The following MTX1 variants were observed in gnomAD, a reference collection of about 807,000 sequenced individuals.
MTX1 encodes metaxin-1.
In MTX1, 20 loss-of-function variants were observed where a neutral mutation model predicts 39.4. That is an observed-to-expected ratio of 0.51 (90% confidence interval 0.36 to 0.74). MTX1 has a LOEUF of 0.74. Ranked by LOEUF, MTX1 falls within the 30% of genes least tolerant of loss-of-function variation. MTX1 has a pLI of 0.00. For synonymous variants in MTX1, 209 were observed against 198.6 expected (o/e 1.05, Z -0.44); for missense variants, 481 against 485.9 (o/e 0.99, Z 0.10).
At chr1:155,211,700 T>G (rs1671136769) in intron 3 of MTX1, 1 of 155,714 alleles carries the variant, frequency 6.4e-6, no homozygotes, top group Admixed American at 6.4e-5. Context: ...CCAGGGAGTG[T>G]GAGGATGGCT....
chr1:155,212,817 A>G, intron 6 of MTX1, 47 bp downstream of exon 6: 2 of 1,501,240 alleles, frequency 1.3e-6, no homozygotes, highest in East Asian at 2.4e-5. Context: ...AAGAAGATAC[A>G]GGTTCAGATG....
chr1:155,208,957 G>A lies in MTX1; in HGVS notation c.153G>A (p.Gly51=). 6.2e-7 allele frequency: 1 copy of A among 1,609,060 alleles called. No homozygotes were observed. Among genetic ancestry groups the A allele is most frequent in the Non-Finnish European group, 8.5e-7 (1 of 1,178,848 alleles). The change falls in exon 1 of 8, where the codon GGG becomes GGA. Residue 51 remains glycine (G), a synonymous_variant. Transcript: ENST00000368376. ...CTCCAGAGCCTGCCGCGCCTTCAGGGGTTCGGGGCTCCACTTGGACGAGGC... is the reference window on the plus strand; with the variant it reads ...CTCCAGAGCCTGCCGCGCCTTCAGGAGTTCGGGGCTCCACTTGGACGAGGC... ...PRSPEPAAPS[G]VRGSTWTRRR... is the part of the protein sequence containing the mutation.
In MTX1 at chr1:155,209,078, G is replaced by A. The variant is rs1323287286; in HGVS notation, c.274G>A (p.Gly92Ser). Residue 92 changes from glycine (G) to serine (S), a missense_variant, in exon 1 of 8, where the codon GGC becomes AGC. By Grantham distance (56) the Gly-to-Ser change is moderately conservative. Coordinates refer to ENST00000368376, the MANE Select transcript of MTX1 (RefSeq NM_002455.5). ...GRRPPSPEAR[G>S]PVPRSSAASR... is the part of the protein sequence containing the mutation. ...GCGGCCGCCCTCCCCCGAGGCCCGC[G>A]GCCCAGTCCCCCGCAGTTCAGCTGC... 1 of 1,539,340 alleles carries A rather than the reference G, an allele frequency of 6.5e-7. No homozygotes were observed. The highest frequency in any genetic ancestry group is 8.8e-7 in the Non-Finnish European group (1 of 1,141,626).
Position 155,210,421 on chromosome 1 carries a change from C to T in MTX1, c.598+6C>T. 6.2e-7 allele frequency: 1 copy of T among 1,613,528 alleles called. No individual in the cohort carries two copies. The highest frequency in any genetic ancestry group is 1.3e-5 in the African/African-American group (1 of 75,036). ...CCCCTGGCAGAGCCCTTCAGGTACC[C>T]AGTATCCCTTGGGGGTAAGGAAGGG... On this transcript the variant is annotated splice_donor_region_variant and intron_variant, in intron 2 of 7. Coordinates refer to ENST00000368376, the MANE Select transcript of MTX1 (RefSeq NM_002455.5).
Position 155,209,154 on chromosome 1 carries a change from T to C in MTX1, c.350T>C (p.Leu117Pro), listed in dbSNP as rs527512238. The stretch of plus-strand genomic sequence containing the variant: ...TCCCCGGGGATCTCCCCAGGCCCCC[T>C]GACCGCAACGATCGGAGGGGCGGTG... ...LASPGISPGP[L>P]TATIGGAVAG... is the part of the protein sequence containing the mutation. Residue 117 changes from leucine (L) to proline (P), a missense_variant, in exon 1 of 8, where the codon CTG becomes CCG. Leu to Pro is a moderately conservative substitution (Grantham distance 98, BLOSUM62 -3). Around this residue, in one of 2 missense-constraint regions of MTX1, gnomAD observed 368 missense variants for 332.8 expected, o/e 1.11. Coordinates refer to ENST00000368376, the MANE Select transcript of MTX1 (RefSeq NM_002455.5). The C allele has an allele frequency of 1.8e-4, 273 of 1,515,770 alleles. 2 individuals carry two copies. Among genetic ancestry groups the C allele is most frequent in the Middle Eastern group, 1.6e-3 (8 of 4,984 alleles). The allele number at this position is 1,515,770 out of a possible 1,614,324, so 93.9% of individuals were successfully genotyped here.
At position 155,208,736 on chromosome 1, in the gene MTX1, GC is replaced by G; in HGVS notation, c.-65del. On this transcript the variant is annotated 5_prime_UTR_variant, in exon 1 of 8. Coordinates refer to ENST00000368376, the MANE Select transcript of MTX1 (RefSeq NM_002455.5). ...GGCCTCCGCTCCGGCCGCCGCCACC[GC>G]CCCTGTTTTGTTTCCATGGCGACAG... 1.9e-6 allele frequency: 1 copy of G among 532,266 alleles called. No individual in the cohort carries two copies. The allele number at this position is 532,266 out of a possible 1,614,324, so 33.0% of individuals were successfully genotyped here.
chr1:155,209,239 G>A lies in MTX1; in HGVS notation c.435G>A (p.Gln145=). 2 of 1,449,226 alleles carry A rather than the reference G, an allele frequency of 1.4e-6. No individual in the cohort carries two copies. The highest frequency in any genetic ancestry group is 2.9e-5 in the African/African-American group (2 of 69,066). 89.8% of individuals were successfully genotyped at this position (1,449,226 alleles called of 1,614,324 possible). Residue 145 remains glutamine (Q), a synonymous_variant, in exon 1 of 8, where the codon CAG becomes CAA. Coordinates refer to ENST00000368376, the MANE Select transcript of MTX1 (RefSeq NM_002455.5). ...CACACAAGGAAGTGTTTCCGGGACAGAGGGTGGGCAAGATGGCGGCGCCCA... is the reference window on the plus strand; with the variant it reads ...CACACAAGGAAGTGTTTCCGGGACAAAGGGTGGGCAAGATGGCGGCGCCCA... ...AEAHKEVFPG[Q]RVGKMAAPME...
Position 155,208,822 on chromosome 1 carries a change from C to T in MTX1, c.18C>T (p.Pro6=), listed in dbSNP as rs1218732355. 2 of 1,573,684 alleles carry T rather than the reference C, an allele frequency of 1.3e-6. No homozygotes were observed. Among genetic ancestry groups the T allele is most frequent in the Non-Finnish European group, 1.7e-6 (2 of 1,157,264 alleles). Residue 6 remains proline (P), a synonymous_variant, in exon 1 of 8, where the codon CCC becomes CCT. Transcript: ENST00000368376. ...TGGAAAACATGCTGCTCGGGGGACC[C>T]CCCCGCAGTCCCCGCTCGGGGACGA... The part of the protein sequence containing the change: MLLGG[P]PRSPRSGTSP...
At position 155,212,774 on chromosome 1, in the gene MTX1, A is replaced by T. The variant is rs1671172075; in HGVS notation, c.1031+4A>T. On this transcript the variant is annotated splice_donor_region_variant and intron_variant, in intron 6 of 7. Transcript: ENST00000368376. ...AAAAGTTCTTCTTTGGAGATGCGTG[A>T]GTCTGACTCCAAGAGGGTAATGGGT... 20 of 1,584,850 alleles carry T rather than the reference A, an allele frequency of 1.3e-5. No individual in the cohort carries two copies. Among genetic ancestry groups the T allele is most frequent in the Admixed American group, 1.8e-5 (1 of 55,534 alleles).
chr1:155,208,819 A>AC lies in MTX1; in HGVS notation c.22dup (p.Arg8ProfsTer55), dbSNP rs755845788. 321 of 1,547,194 alleles carry AC rather than the reference A, an allele frequency of 2.1e-4. No homozygotes were observed. Among genetic ancestry groups the AC allele is most frequent in the South Asian group, 8.3e-4 (71 of 85,916 alleles). ...CTGTGGAAAACATGCTGCTCGGGGGACCCCCCCGCAGTCCCCGCTCGGGGA... is the reference window on the plus strand; with the variant it reads ...CTGTGGAAAACATGCTGCTCGGGGGACCCCCCCCGCAGTCCCCGCTCGGGGA... On this transcript the variant is annotated frameshift_variant, in exon 1 of 8. Transcript: ENST00000368376. LOFTEE classifies it high-confidence loss of function.
intron 3 of MTX1, chr1:155,211,689 T>C (rs1006676172): frequency 2.6e-5 from 4 of 155,512 alleles, no homozygotes; most frequent in African/African-American, 9.6e-5. Context: ...GTTCCCTGGA[T>C]CCAGGGAGTG....
At chr1:155,210,692 T>C in intron 3 of MTX1, 65 bp downstream of exon 3, 3 of 1,425,948 alleles carry the variant, frequency 2.1e-6, no homozygotes, top group Non-Finnish European at 3.0e-6. Context: ...ACAATACACA[T>C]TTATTGAGCA....
At position 155,212,178 on chromosome 1, in the gene MTX1, G is replaced by T; in HGVS notation, c.730G>T (p.Ala244Ser). The T allele has an allele frequency of 6.2e-7, 1 of 1,612,642 alleles. No individual in the cohort carries two copies. Among genetic ancestry groups the T allele is most frequent in the Non-Finnish European group, 8.5e-7 (1 of 1,179,174 alleles). The change falls in exon 4 of 8, where the codon GCC becomes TCC. Residue 244 changes from alanine to serine, a missense_variant. Physicochemically the swap from Ala to Ser is moderately conservative, Grantham distance 99. Transcript: ENST00000368376. ...AGCTCGGCAAGGGGCAGACACCCTGGCCTTCATGTCTCTCCTGGAGGAGAA... is the reference window on the plus strand; with the variant it reads ...AGCTCGGCAAGGGGCAGACACCCTGTCCTTCATGTCTCTCCTGGAGGAGAA... Reference protein sequence around the residue: ...LSARQGADTLAFMSLLEEKLL... With the variant: ...LSARQGADTLSFMSLLEEKLL...
At position 155,208,765 on chromosome 1, in the gene MTX1, G is replaced by C. The variant is rs934439730; in HGVS notation, c.-40G>C. 7.1e-7 allele frequency: 1 copy of C among 1,416,698 alleles called. No individual in the cohort carries two copies. Among genetic ancestry groups the C allele is most frequent in the Admixed American group, 2.7e-5 (1 of 37,708 alleles). 87.8% of individuals were successfully genotyped at this position (1,416,698 alleles called of 1,614,324 possible). ...CTGTTTTGTTTCCATGGCGACAGGC[G>C]GCGCAGGGCCCGCTCCAAACATAAC... is the stretch of plus-strand genomic sequence containing the variant. On this transcript the variant is annotated 5_prime_UTR_variant, in exon 1 of 8. Transcript: ENST00000368376.
intron 1 of MTX1, 131 bp from the exon 2 acceptor site, chr1:155,210,214 CT>C: frequency 5.6e-5 from 44 of 779,294 alleles, no homozygotes; most frequent in Admixed American, 8.9e-5. Context: ...GTGACTCCCC[CT>C]TTTTTTTCGA....
intron 3 of MTX1, 127 bp from the exon 4 acceptor site, chr1:155,212,000 A>C: frequency 1.2e-6 from 1 of 812,920 alleles, no homozygotes; most frequent in South Asian, 1.9e-5. Context: ...TTGGCAGGAA[A>C]AGTTCCTTGC....
rs1020019401 is a variant in MTX1, at chr1:155,209,306, G to A, written c.502G>A (p.Val168Met). Residue 168 changes from valine to methionine, a missense_variant, in exon 1 of 8, where the codon GTG becomes ATG. This residue lies in a region of MTX1 where 368 missense variants were observed against 332.8 expected (regional missense o/e 1.11). Coordinates refer to ENST00000368376, the MANE Select transcript of MTX1 (RefSeq NM_002455.5). ...GTCAGGGGGCTGGGGGCTGCCGTCA[G>A]TGGACCTGGACAGCCTGGCCGTGCT... is the stretch of plus-strand genomic sequence containing the variant. ...CWSGGWGLPS[V>M]DLDSLAVLTY... The A allele has an allele frequency of 9.0e-6, 13 of 1,439,092 alleles. No homozygotes were observed. The highest frequency in any genetic ancestry group is 1.5e-5 in the African/African-American group (1 of 68,724). The allele number at this position is 1,439,092 out of a possible 1,614,324, so 89.1% of individuals were successfully genotyped here.
At position 155,212,154 on chromosome 1, in the gene MTX1, G is replaced by A. The variant is rs754699233; in HGVS notation, c.706G>A (p.Ala236Thr). 3.7e-6 allele frequency: 6 copies of A among 1,611,440 alleles called. No homozygotes were observed. In the African/African-American group the frequency reaches 6.7e-5, roughly 18 times the overall value. Residue 236 changes from alanine (A) to threonine (T), a missense_variant, in exon 4 of 8, where the codon GCT becomes ACT. Ala to Thr is a moderately conservative substitution (Grantham distance 58). Transcript: ENST00000368376. ...GTACAATGCTGATTATGATCTGTCA[G>A]CTCGGCAAGGGGCAGACACCCTGGC... ...EKYNADYDLS[A>T]RQGADTLAFM...
At chr1:155,210,764 C>T in intron 3 of MTX1, 137 bp downstream of exon 3, 10 of 773,162 alleles carry the variant, frequency 1.3e-5, no homozygotes, top group Non-Finnish European at 1.8e-5. Flanking sequence ...AGTCTTGTGG[C>T]AGAGACACAC....
Sources: gnomAD v4.1 joint callset for allele counts on GRCh38, gnomAD v4.1.1 for gene constraint, gnomAD v4.1.1 regional missense constraint, MANE v1.5 for transcripts, NCBI Gene and HGNC (gene_info 2026-07-23, HGNC 2026-07-21) for gene names.